The following GRIK1 variants were observed in gnomAD, a reference collection of about 807,000 sequenced individuals.
GRIK1 encodes the protein glutamate receptor ionotropic, kainate 1.
In GRIK1, 69 loss-of-function variants were observed where a neutral mutation model predicts 105.7. The ratio of observed to expected loss-of-function variants is 0.65; its 90% CI spans 0.54 to 0.80. GRIK1 has a LOEUF of 0.80. GRIK1 is among the 30% of genes least tolerant of loss of function. The pLI is 0.00. For synonymous variants in GRIK1, 438 were observed against 431.3 expected (o/e 1.02, Z -0.19); for missense variants, 1,109 against 1,167.3 (o/e 0.95, Z 0.73).
chr21:29,683,270 C>T (rs532104697), intron 3 of GRIK1, among the ~76,000 whole-genome samples: 1 of 152,314 alleles, frequency 6.6e-6, no homozygotes, highest in South Asian at 2.1e-4. Context: ...CCAGGAATCC[C>T]ATTACTGGGT....
chr21:29,804,340 C>T (rs2066797474), intron 1 of GRIK1, among the ~76,000 whole-genome samples: 1 of 152,082 alleles, frequency 6.6e-6, no homozygotes, highest in Admixed American at 6.6e-5. Context: ...AGTTTCCATA[C>T]CTGGCTTGAA....
chr21:29,640,261 C>T (rs1393265352), intron 7 of GRIK1, among the ~76,000 whole-genome samples: 1 of 152,020 alleles, frequency 6.6e-6, no homozygotes, highest in African/African-American at 2.4e-5. Context: ...TTCAGTTATG[C>T]ACTCATCTGA....
At chr21:29,636,488 T>C (rs1315394044) in intron 7 of GRIK1, among the ~76,000 whole-genome samples, 4 of 152,206 alleles carry the variant, frequency 2.6e-5, no homozygotes, top group Non-Finnish European at 5.9e-5. Flanking sequence ...ATTTTAACAA[T>C]AATAGATTTA....
intron 16 of GRIK1, among the ~76,000 whole-genome samples, chr21:29,552,285 A>G (rs1023322608): frequency 1.3e-5 from 2 of 152,140 alleles, no homozygotes; most frequent in African/African-American, 4.8e-5. Context: ...AACTGATCCC[A>G]TATTTAGAAA....
intron 9 of GRIK1, among the ~76,000 whole-genome samples, chr21:29,591,431 G>A (rs1463114863): frequency 6.8e-6 from 1 of 146,066 alleles, no homozygotes; most frequent in African/African-American, 2.7e-5. Context: ...GCTATTGGGG[G>A]CAGGGTAGGT....
chr21:29,833,190 T>C (rs1395737637), intron 1 of GRIK1, among the ~76,000 whole-genome samples: 3 of 152,332 alleles, frequency 2.0e-5, no homozygotes, highest in Non-Finnish European at 2.9e-5. Context: ...CTAGACTTCA[T>C]TGATGATATT....
intron 1 of GRIK1, among the ~76,000 whole-genome samples, chr21:29,744,013 A>T (rs2064990780): frequency 6.6e-6 from 1 of 152,238 alleles, no homozygotes; most frequent in Admixed American, 6.5e-5. Flanking sequence ...AATAATCTGT[A>T]CAACAAACCC....
At chr21:29,795,027 AATTTTTTT>A (rs1363815194) in intron 1 of GRIK1, among the ~76,000 whole-genome samples, 5 of 82,152 alleles carry the variant, frequency 6.1e-5, no homozygotes, top group African/African-American at 1.3e-4. Context: ...CTTTGCTCTA[AATTTTTTT>A]TTTTTTTTTT....
chr21:29,792,927 G>A lies in GRIK1; in HGVS notation c.119-98864C>T, dbSNP rs145319845. ...TTTTTAATTAGCTTCCTCAGAATAC[G>A]GGAAGAATAATTTCCACTTTTGTCT... On this transcript the variant is annotated intron_variant, in intron 1 of 17. Transcript: ENST00000327783. Among the ~76,000 whole-genome samples, 182 of 152,190 alleles carry A rather than the reference G, an allele frequency of 1.2e-3. 1 individual carries two copies. The highest frequency in any genetic ancestry group is 3.6e-3 in the African/African-American group (151 of 41,508).
chr21:29,594,984 A>G (rs534041322), intron 9 of GRIK1, among the ~76,000 whole-genome samples: 28 of 152,250 alleles, frequency 1.8e-4, no homozygotes, highest in Middle Eastern at 3.4e-3. Context: ...TTTAAGTTGG[A>G]GACTTCTGGA....
intron 1 of GRIK1, among the ~76,000 whole-genome samples, chr21:29,828,007 CTCTCTGTG>C (rs773708012): frequency 0.31 from 37,929 of 123,816 alleles, 5,699 homozygotes; most frequent in East Asian, 0.6. Context: ...CTCTCTGTCT[CTCTCTGTG>C]TGTGTGTGTG....
At chr21:29,594,533 A>C (rs2061376443) in intron 9 of GRIK1, among the ~76,000 whole-genome samples, 1 of 152,240 alleles carries the variant, frequency 6.6e-6, no homozygotes, top group Non-Finnish European at 1.5e-5. Flanking sequence ...AGGAGCACTC[A>C]ATATCTAAAT....
intron 5 of GRIK1, 97 bp from the exon 6 acceptor site, chr21:29,651,388 G>T: frequency 1.3e-6 from 1 of 758,832 alleles, no homozygotes; most frequent in Non-Finnish European, 2.0e-6. Flanking sequence ...CTAATACAAT[G>T]ATACCTTTTA....
At chr21:29,771,907 T>C (rs1412577967) in intron 1 of GRIK1, among the ~76,000 whole-genome samples, 1 of 152,250 alleles carries the variant, frequency 6.6e-6, no homozygotes, top group African/African-American at 2.4e-5. Flanking sequence ...TGTATTCCTC[T>C]AGTTCTACCA....
At chr21:29,679,852 C>A (rs1456168772) in intron 3 of GRIK1, among the ~76,000 whole-genome samples, 3 of 152,220 alleles carry the variant, frequency 2.0e-5, no homozygotes, top group African/African-American at 7.2e-5. Flanking sequence ...GGAACACGGT[C>A]TTCCTGTTTT....
intron 6 of GRIK1, among the ~76,000 whole-genome samples, chr21:29,646,914 T>C (rs2008870): frequency 0.44 from 66,263 of 151,660 alleles, 15,611 homozygotes; most frequent in African/African-American, 0.63. Context: ...GGCACAATCT[T>C]GGCTCACTGC....
At chr21:29,614,328 C>T (rs2061794903) in intron 7 of GRIK1, among the ~76,000 whole-genome samples, 1 of 149,500 alleles carries the variant, frequency 6.7e-6, no homozygotes, top group Non-Finnish European at 1.5e-5. Flanking sequence ...TTATAACTTG[C>T]TTTGTGTTTC....
intron 6 of GRIK1, among the ~76,000 whole-genome samples, chr21:29,646,847 T>G (rs1418023772): frequency 6.7e-6 from 1 of 150,210 alleles, no homozygotes; most frequent in African/African-American, 2.5e-5. Context: ...TGTTCTTTCT[T>G]TCCTTTTTTT....
chr21:29,929,561 C>T (rs1023213532), intron 1 of GRIK1, among the ~76,000 whole-genome samples: 4 of 152,056 alleles, frequency 2.6e-5, no homozygotes, highest in East Asian at 1.9e-4. Context: ...TTGCTTATTT[C>T]TTCTTACGGA....
Sources: allele counts gnomAD v4.1 joint callset (sites outside exome capture counted in the v4.1 genomes callset), GRCh38; gene constraint gnomAD v4.1.1; transcripts MANE v1.5; gene names NCBI Gene and HGNC (gene_info 2026-07-23, HGNC 2026-07-21).